Variants in PIAS2 observed in about 807,000 individuals in gnomAD.
The protein encoded by PIAS2 is E3 SUMO-protein ligase PIAS2.
A neutral mutation model predicts 69.7 loss-of-function variants in PIAS2; 19 were observed. The ratio of observed to expected loss-of-function variants is 0.27; its 90% confidence interval spans 0.19 to 0.40. The LOEUF (loss-of-function observed/expected upper bound fraction) is 0.40, where lower values mean the gene tolerates loss of function less well. Ranked by LOEUF, PIAS2 falls within the 10% of genes least tolerant of loss-of-function variation. The probability of loss-of-function intolerance (pLI) is 1.00; values close to 1 mark genes in which losing one functional copy is unlikely to be tolerated. For missense variants in PIAS2, 624 were observed against 757.0 expected (o/e 0.82, Z 2.06); for synonymous variants, 261 against 263.2 (o/e 0.99, Z 0.08).
At chr18:46,908,965 C>T (rs1027631733) in intron 1 of PIAS2, among the ~76,000 whole-genome samples, 13 of 152,168 alleles carry the variant, frequency 8.5e-5, no homozygotes, top group Non-Finnish European at 1.9e-4. Context: ...ACTGAGATCA[C>T]GCCACTGCAC....
At chr18:46,852,526 A>G (rs1329330507) in intron 5 of PIAS2, 3 of 152,218 alleles carry the variant, frequency 2.0e-5, no homozygotes, top group African/African-American at 7.2e-5. Context: ...CAATATGTTC[A>G]CAAATAGTCT....
At chr18:46,839,484 T>C (rs1414870506) in intron 8 of PIAS2, among the ~76,000 whole-genome samples, 1 of 152,200 alleles carries the variant, frequency 6.6e-6, no homozygotes, top group African/African-American at 2.4e-5. Flanking sequence ...TTGTCAATTT[T>C]TATAATTTTT....
chr18:46,903,184 A>G (rs1370511664), intron 1 of PIAS2, among the ~76,000 whole-genome samples: 1 of 152,232 alleles, frequency 6.6e-6, no homozygotes, highest in Non-Finnish European at 1.5e-5. Context: ...AGCAAGATCC[A>G]TAAAAGGAAA....
At chr18:46,916,753 G>C (rs2057967537) in intron 1 of PIAS2, 1 of 901,404 alleles carries the variant, frequency 1.1e-6, no homozygotes, top group Non-Finnish European at 1.3e-6. Context: ...ATTGAAGGCA[G>C]GGATCCCCAA....
chr18:46,810,524 G>A lies in PIAS2; in HGVS notation c.*1909C>T, dbSNP rs960680865. On this transcript the variant is annotated 3_prime_UTR_variant, in exon 14 of 14. Coordinates refer to ENST00000585916, the MANE Select transcript of PIAS2 (RefSeq NM_004671.5). ...CTGCAACATGGTTTGGAAATCTAAT[G>A]ACTAAGAAGGTAAAACTGGCAACTA... The A allele has an allele frequency of 6.6e-6, 1 of 152,056 alleles. No individual in the cohort carries two copies. Among genetic ancestry groups the A allele is most frequent in the Non-Finnish European group, 1.5e-5 (1 of 68,010 alleles). 9.4% of individuals were successfully genotyped at this position (152,056 alleles called of 1,614,324 possible).
rs2040574329 is a variant in PIAS2 at position 46,803,863 on chromosome 18, A to C, written c.*8570T>G. 1 of 152,138 alleles carries C rather than the reference A, an allele frequency of 6.6e-6. No individual in the cohort carries two copies. Among genetic ancestry groups the C allele is most frequent in the Non-Finnish European group, 1.5e-5 (1 of 68,028 alleles). The allele number at this position is 152,138 out of a possible 1,614,324, so 9.4% of individuals were successfully genotyped here. A position where few individuals can be genotyped will look rare whatever the true frequency, so the allele number is the denominator to read the frequency against. ...TTCCAGGTTTAATACACCTACTCCC[A>C]TATTATCCCCACTGTGCACTGCTCT... On this transcript the variant is annotated 3_prime_UTR_variant, in exon 14 of 14. Coordinates refer to ENST00000585916, the MANE Select transcript of PIAS2 (RefSeq NM_004671.5).
At chr18:46,815,821 CCCA>C in intron 12 of PIAS2, 3 of 993,512 alleles carry the variant, frequency 3.0e-6, no homozygotes, top group Non-Finnish European at 3.6e-6. Context: ...CCCCGCTGTC[CCCA>C]CATCAAGAGC....
intron 2 of PIAS2, among the ~76,000 whole-genome samples, chr18:46,871,242 A>G (rs1020694356): frequency 5.1e-4 from 78 of 152,194 alleles, no homozygotes; most frequent in Non-Finnish European, 3.4e-4. Context: ...AAAAGCAGAA[A>G]CAAAAGGGAA....
chr18:46,816,743 C>G (rs1443938315), intron 12 of PIAS2: 1 of 957,050 alleles, frequency 1.0e-6, no homozygotes, highest in Admixed American at 6.2e-5. Flanking sequence ...GCTGGGATTA[C>G]AGACATAAGC....
intron 12 of PIAS2, chr18:46,816,761 C>T: frequency 1.0e-6 from 1 of 981,424 alleles, no homozygotes; most frequent in Middle Eastern, 5.2e-4. Flanking sequence ...AGCCACCGCA[C>T]CCAGCTTGCT....
intron 3 of PIAS2, among the ~76,000 whole-genome samples, chr18:46,857,243 C>T (rs567834128): frequency 6.6e-6 from 1 of 152,336 alleles, no homozygotes; most frequent in South Asian, 2.1e-4. Flanking sequence ...TATCAAGACA[C>T]ATTTCATATT....
At chr18:46,873,040 A>G (rs1236782752) in intron 2 of PIAS2, among the ~76,000 whole-genome samples, 1 of 152,216 alleles carries the variant, frequency 6.6e-6, no homozygotes, top group Non-Finnish European at 1.5e-5. Flanking sequence ...CCTTTGTATC[A>G]AAAGTTTTTG....
intron 12 of PIAS2, chr18:46,816,636 TTA>T: frequency 1.9e-5 from 5 of 261,636 alleles, no homozygotes; most frequent in Non-Finnish European, 3.0e-5. Flanking sequence ...ATTATTATTA[TTA>T]TTTTTTTTTT....
chr18:46,905,660 G>A (rs1385320816), intron 1 of PIAS2: 1 of 152,092 alleles, frequency 6.6e-6, no homozygotes, highest in Non-Finnish European at 1.5e-5. Context: ...GCAAAGAAGA[G>A]ATTAACAACT....
intron 5 of PIAS2, among the ~76,000 whole-genome samples, chr18:46,847,962 C>T (rs1489649040): frequency 2.6e-5 from 4 of 152,058 alleles, no homozygotes; most frequent in African/African-American, 7.2e-5. Context: ...TTCACTGATG[C>T]TAGGATGTCA....
chr18:46,850,214 T>C (rs2046764417), intron 5 of PIAS2, among the ~76,000 whole-genome samples: 1 of 152,204 alleles, frequency 6.6e-6, no homozygotes, highest in African/African-American at 2.4e-5. Flanking sequence ...CTCTAGATTA[T>C]TTTAAAGCAA....
In PIAS2 at chr18:46,842,430, C is replaced by T. The variant is rs1449745911; in HGVS notation, c.1041+1624G>A. ...AAAATGGCACTGCACAACTGTAAAACTCCTTAGGTAAGTTGTGTAGACTTT... is the reference window on the plus strand; with the variant it reads ...AAAATGGCACTGCACAACTGTAAAATTCCTTAGGTAAGTTGTGTAGACTTT... On this transcript the variant is annotated intron_variant, in intron 8 of 13. Coordinates refer to ENST00000585916, the MANE Select transcript of PIAS2 (RefSeq NM_004671.5). 2.0e-5 allele frequency among the ~76,000 whole-genome samples: 3 copies of T among 152,018 alleles called. No individual in the cohort carries two copies. In the East Asian group the frequency reaches 5.8e-4, roughly 29 times the overall value.
In PIAS2 at chr18:46,856,569, A is replaced by G. The variant is rs76976513; in HGVS notation, c.585-954T>C. On this transcript the variant is annotated intron_variant, in intron 3 of 13. Coordinates refer to ENST00000585916, the MANE Select transcript of PIAS2 (RefSeq NM_004671.5). The stretch of plus-strand genomic sequence containing the variant: ...ATACTGAACCCTCCAAACTCTTGCC[A>G]CGCAACATGGAGTCTACGGGGAAGC... 0.012 allele frequency among the ~76,000 whole-genome samples: 1,794 copies of G among 152,240 alleles called. 77 individuals are homozygous for G. In the East Asian group the frequency reaches 0.16, roughly 14 times the overall value.
rs143907783 is a variant in PIAS2, at chr18:46,825,877, A to G, written c.1508+2082T>C. On this transcript the variant is annotated intron_variant, in intron 11 of 13. Coordinates refer to ENST00000585916, the MANE Select transcript of PIAS2 (RefSeq NM_004671.5). The stretch of plus-strand genomic sequence containing the variant: ...ATGACGAGATCCATCTTATCAATGT[A>G]TTTCCTAATATTAAAGCACTCCTGG... 7.5e-4 allele frequency among the ~76,000 whole-genome samples: 114 copies of G among 152,364 alleles called. 1 individual carries two copies. Among genetic ancestry groups the G allele is most frequent in the East Asian group, 7.3e-3 (38 of 5,188 alleles).
Sources: gnomAD v4.1 joint callset for allele counts (sites outside exome capture counted in the v4.1 genomes callset) on GRCh38, gnomAD v4.1.1 for gene constraint, MANE v1.5 for transcripts, NCBI Gene and HGNC (gene_info 2026-07-23, HGNC 2026-07-21) for gene names.